GALNT18: variants seen among roughly 807,000 people sequenced by gnomAD.
GALNT18 encodes the protein polypeptide N-acetylgalactosaminyltransferase 18, also known as GalNAc-transferase 18.
Under a neutral mutation model 69.5 loss-of-function variants are expected in GALNT18, and 44 were observed. That is an observed-to-expected ratio of 0.63 (90% confidence interval 0.50 to 0.81). The LOEUF (loss-of-function observed/expected upper bound fraction) is 0.81, where lower values mean the gene tolerates loss of function less well. Ranked by LOEUF, GALNT18 falls within the 40% of genes least tolerant of loss-of-function variation. The pLI is 0.00. For synonymous variants in GALNT18, 364 were observed against 318.2 expected, an observed-to-expected ratio of 1.14 and a Z score of -1.53; for missense variants, 715 against 810.0, an observed-to-expected ratio of 0.88 and a Z score of 1.42.
intron 10 of GALNT18, among the ~76,000 whole-genome samples, chr11:11,286,654 C>T (rs567839050): frequency 6.6e-6 from 1 of 152,228 alleles, no homozygotes; most frequent in African/African-American, 2.4e-5. Flanking sequence ...TTCATTTGAT[C>T]AACAGCATGC....
chr11:11,325,275 C>A (rs529114961), intron 9 of GALNT18, among the ~76,000 whole-genome samples: 1 of 152,136 alleles, frequency 6.6e-6, no homozygotes, highest in East Asian at 1.9e-4. Flanking sequence ...AAATATCGTA[C>A]GTTTTCACTT....
intron 3 of GALNT18, among the ~76,000 whole-genome samples, chr11:11,424,151 C>G: frequency 6.6e-6 from 1 of 152,202 alleles, no homozygotes; most frequent in East Asian, 1.9e-4. Context: ...AGGACCCCAG[C>G]CATCACCTGC....
Position 11,465,918 on chromosome 11 carries a change from G to A in GALNT18, c.236-16982C>T, listed in dbSNP as rs76015739. Reference sequence around the variant, plus strand: ...CTCACCAGTGCTCTGCTCAACATAGGGGGTAGGAAGGTCTCCCAGATGTGG... The same window carrying A: ...CTCACCAGTGCTCTGCTCAACATAGAGGGTAGGAAGGTCTCCCAGATGTGG... On this transcript the variant is annotated intron_variant, in intron 1 of 10. Transcript: ENST00000227756. The surrounding 1 kb of genome is among the most constrained non-coding windows in gnomAD (Gnocchi z 5.7). Among the ~76,000 whole-genome samples, 4 of 152,192 alleles carry A rather than the reference G, an allele frequency of 2.6e-5. No homozygotes were observed. Among genetic ancestry groups the A allele is most frequent in the South Asian group, 2.1e-4 (1 of 4,818 alleles).
At chr11:11,276,727 T>C (rs1848956944) in intron 10 of GALNT18, among the ~76,000 whole-genome samples, 1 of 152,192 alleles carries the variant, frequency 6.6e-6, no homozygotes, top group Non-Finnish European at 1.5e-5. Context: ...TGAAGGGGTA[T>C]TGAATTTTAT....
Position 11,340,998 on chromosome 11 carries a change from G to A in GALNT18, c.1099C>T (p.Gln367Ter), listed in dbSNP as rs1476651953. ...AGGACCTCCACACTCCCGCCACACTGCCACACCTGCAGAAGACATGGAGCC... is the reference window on the plus strand; with the variant it reads ...AGGACCTCCACACTCCCGCCACACTACCACACCTGCAGAAGACATGGAGCC... ...ENVELGIRVW[Q>*]CGGSVEVLPC... Residue 367 changes from glutamine (Q) to a stop codon, truncating the protein, a stop_gained, in exon 7 of 11, where the codon CAG (glutamine) becomes TAG (stop). Transcript: ENST00000227756. LOFTEE classifies it high-confidence loss of function. The surrounding 1 kb of genome is among the most constrained non-coding windows in gnomAD (Gnocchi z 4.2). The A allele has an allele frequency of 1.3e-6, 2 of 1,597,222 alleles. No individual in the cohort carries two copies. Among genetic ancestry groups the A allele is most frequent in the South Asian group, 1.1e-5 (1 of 89,180 alleles).
intron 1 of GALNT18, among the ~76,000 whole-genome samples, chr11:11,578,994 G>A (rs1244963293): frequency 6.6e-6 from 1 of 152,176 alleles, no homozygotes; most frequent in Non-Finnish European, 1.5e-5. Context: ...CAGGAAGGAA[G>A]GAAGGAAAGA....
In GALNT18 at chr11:11,454,870, T is replaced by C. The variant is rs1446905936; in HGVS notation, c.236-5934A>G. Reference sequence around the variant, plus strand: ...ATCAAGCCCTGAGGGGAGGATTCCCTCCAGAGGACACTAATCACTCCACCC... The same window carrying C: ...ATCAAGCCCTGAGGGGAGGATTCCCCCCAGAGGACACTAATCACTCCACCC... On this transcript the variant is annotated intron_variant, in intron 1 of 10. Transcript: ENST00000227756. This position sits in a 1 kb window ranked among gnomAD's most constrained non-coding sequence, Gnocchi z 4.2. Among the ~76,000 whole-genome samples the C allele has an allele frequency of 6.6e-6, 1 of 152,150 alleles. No individual in the cohort carries two copies. The highest frequency in any genetic ancestry group is 2.4e-5 in the African/African-American group (1 of 41,440).
chr11:11,285,473 G>A (rs1849175664), intron 10 of GALNT18, among the ~76,000 whole-genome samples: 2 of 152,194 alleles, frequency 1.3e-5, no homozygotes, highest in South Asian at 4.1e-4. Flanking sequence ...GTAGTGGGGA[G>A]CTGAGCCATC....
rs544861055 is a variant in GALNT18, at chr11:11,538,325, G to A, written c.235+83034C>T. Among the ~76,000 whole-genome samples, 2 of 152,310 alleles carry A rather than the reference G, an allele frequency of 1.3e-5. No homozygotes were observed. The highest frequency in any genetic ancestry group is 1.3e-4 in the Admixed American group (2 of 15,304). ...GGGAAGGCCACTCACTAAGGCCAGG[G>A]TGTCCTTTACTTGGCAGGGAGCAGC... is the stretch of plus-strand genomic sequence containing the variant. On this transcript the variant is annotated intron_variant, in intron 1 of 10. Transcript: ENST00000227756. This position sits in a 1 kb window ranked among gnomAD's most constrained non-coding sequence, Gnocchi z 5.2.
At chr11:11,506,759 T>C (rs1365616083) in intron 1 of GALNT18, among the ~76,000 whole-genome samples, 1 of 152,142 alleles carries the variant, frequency 6.6e-6, no homozygotes, top group Non-Finnish European at 1.5e-5. Context: ...TTCCAGTCAA[T>C]GGGCAAGAAA....
chr11:11,519,717 T>C (rs550823214), intron 1 of GALNT18, among the ~76,000 whole-genome samples: 1 of 152,214 alleles, frequency 6.6e-6, no homozygotes, highest in South Asian at 2.1e-4. Context: ...TTCCCCTGTC[T>C]CAGCCCCATC....
At chr11:11,284,472 C>G (rs1849150422) in intron 10 of GALNT18, among the ~76,000 whole-genome samples, 1 of 152,084 alleles carries the variant, frequency 6.6e-6, no homozygotes, top group Non-Finnish European at 1.5e-5. Context: ...ACTTTGAGAC[C>G]ACAAGCTATG....
rs554678267 is a variant in GALNT18, at chr11:11,337,533, A to G, written c.1278+3286T>C. ...AAGCCACTGTTCTAATGAGAGGGAG[A>G]CTTTTAGATAACAGAACACTCTTTC... On this transcript the variant is annotated intron_variant, in intron 7 of 10. Coordinates refer to ENST00000227756, the MANE Select transcript of GALNT18 (RefSeq NM_198516.3). The surrounding 1 kb of genome is among the most constrained non-coding windows in gnomAD (Gnocchi z 4.9). 2.0e-5 allele frequency among the ~76,000 whole-genome samples: 3 copies of G among 152,168 alleles called. No homozygotes were observed. The highest frequency in any genetic ancestry group is 7.2e-5 in the African/African-American group (3 of 41,512).
intron 1 of GALNT18, among the ~76,000 whole-genome samples, chr11:11,610,092 T>C (rs1321749141): frequency 6.6e-6 from 1 of 152,228 alleles, no homozygotes; most frequent in East Asian, 1.9e-4. Flanking sequence ...TGGCATAGTC[T>C]TCCTGCCTCT....
chr11:11,448,320 CAAAG>C (rs1590012076), intron 2 of GALNT18, among the ~76,000 whole-genome samples: 1 of 152,242 alleles, frequency 6.6e-6, no homozygotes, highest in East Asian at 1.9e-4. Context: ...CCTTCTGTAA[CAAAG>C]AGAGAAGTCA....
intron 1 of GALNT18, among the ~76,000 whole-genome samples, chr11:11,578,261 G>A (rs1197560091): frequency 1.4e-5 from 2 of 147,158 alleles, no homozygotes; most frequent in East Asian, 2.0e-4. Flanking sequence ...TGGGGCTGAC[G>A]CTCCTGCAGG....
intron 10 of GALNT18, among the ~76,000 whole-genome samples, chr11:11,276,724 G>T (rs566555161): frequency 1.3e-5 from 2 of 151,804 alleles, no homozygotes; most frequent in East Asian, 1.9e-4. Context: ...GCATGAAGGG[G>T]TATTGAATTT....
intron 10 of GALNT18, among the ~76,000 whole-genome samples, chr11:11,282,845 C>G (rs1049442608): frequency 2.0e-5 from 3 of 152,070 alleles, no homozygotes; most frequent in African/African-American, 4.8e-5. Context: ...TTGTAGAGAC[C>G]ATATTCTAGT....
intron 6 of GALNT18, among the ~76,000 whole-genome samples, chr11:11,361,809 AGT>A (rs2133080913): frequency 6.6e-6 from 1 of 152,328 alleles, no homozygotes; most frequent in East Asian, 1.9e-4. Context: ...CGTGTTTTAA[AGT>A]CCAGCACGAA....
Sources: allele counts gnomAD v4.1 joint callset (sites outside exome capture counted in the v4.1 genomes callset), GRCh38; gene constraint gnomAD v4.1.1; non-coding constraint Gnocchi (gnomAD v3.1); transcripts MANE v1.5; gene names NCBI Gene and HGNC (gene_info 2026-07-23, HGNC 2026-07-21).